HS6ST3: variants seen among roughly 807,000 people sequenced by gnomAD.
HS6ST3 encodes the protein heparan-sulfate 6-O-sulfotransferase 3.
HS6ST3 carries 12 observed loss-of-function variants against 36.7 expected under a neutral mutation model. The observed-to-expected ratio is 0.33, with a 90% CI of 0.21 to 0.53. HS6ST3 has a LOEUF of 0.53. Ranked by LOEUF, HS6ST3 falls within the 20% of genes least tolerant of loss-of-function variation. The pLI is 0.95. For synonymous variants in HS6ST3, 240 were observed against 257.5 expected, an observed-to-expected ratio of 0.93 and a Z score of 0.65; for missense variants, 584 against 640.9, an observed-to-expected ratio of 0.91 and a Z score of 0.96.
chr13:96,175,724 C>T lies in HS6ST3; in HGVS notation c.707+84155C>T, dbSNP rs557664447. 1.8e-3 allele frequency among the ~76,000 whole-genome samples: 270 copies of T among 151,016 alleles called. 1 individual carries two copies. The highest frequency in any genetic ancestry group is 6.3e-3 in the African/African-American group (262 of 41,270). On this transcript the variant is annotated intron_variant, in intron 1 of 1. Transcript: ENST00000376705. ...AAAAAAAAAAAAAATCTAATTTCCC[C>T]TCTTGTTCTCTTACTTCTCACATCT... is the stretch of plus-strand genomic sequence containing the variant.
chr13:96,441,448 C>A (rs1159031303), intron 1 of HS6ST3, among the ~76,000 whole-genome samples: 1 of 152,022 alleles, frequency 6.6e-6, no homozygotes, highest in African/African-American at 2.4e-5. Context: ...GGCCTTTTGA[C>A]AAGCCTCACC....
In HS6ST3 at chr13:96,090,113, G is replaced by A. The variant is rs1218071450; in HGVS notation, c.-750G>A. ...GGGTAGCAGGGCTCCTGTCACACCG[G>A]CTGGCGGGTTGTGGCGGTGCCAGCC... On this transcript the variant is annotated 5_prime_UTR_variant, in exon 1 of 2. Transcript: ENST00000376705. Among the ~76,000 whole-genome samples the A allele has an allele frequency of 6.6e-6, 1 of 152,106 alleles. No individual in the cohort carries two copies. Among genetic ancestry groups the A allele is most frequent in the Non-Finnish European group, 1.5e-5 (1 of 67,996 alleles).
intron 1 of HS6ST3, among the ~76,000 whole-genome samples, chr13:96,245,892 T>A (rs988335795): frequency 7.9e-5 from 12 of 152,224 alleles, no homozygotes; most frequent in African/African-American, 2.9e-4. Context: ...AATGTGGGAA[T>A]AGGGGAACAT....
intron 1 of HS6ST3, among the ~76,000 whole-genome samples, chr13:96,398,878 C>T (rs918033106): frequency 1.3e-5 from 2 of 152,176 alleles, no homozygotes; most frequent in Non-Finnish European, 2.9e-5. Flanking sequence ...TGAGGGTGGC[C>T]CCTACATGAC....
chr13:96,604,839 T>C (rs1247655098), intron 1 of HS6ST3, among the ~76,000 whole-genome samples: 2 of 152,194 alleles, frequency 1.3e-5, no homozygotes, highest in Non-Finnish European at 2.9e-5. Flanking sequence ...GCACATTATA[T>C]GATTTTGGAC....
intron 1 of HS6ST3, among the ~76,000 whole-genome samples, chr13:96,707,240 A>G (rs147580583): frequency 6.0e-4 from 92 of 152,294 alleles, no homozygotes; most frequent in African/African-American, 1.7e-3. Flanking sequence ...AAGAAACAAG[A>G]GAGAGATGAT....
At chr13:96,224,103 A>G (rs906983020) in intron 1 of HS6ST3, among the ~76,000 whole-genome samples, 10 of 152,110 alleles carry the variant, frequency 6.6e-5, no homozygotes, top group Non-Finnish European at 2.9e-5. Flanking sequence ...CTAGAGGCAC[A>G]CATAGCTCCT....
At chr13:96,182,254 G>C (rs1454372110) in intron 1 of HS6ST3, among the ~76,000 whole-genome samples, 11 of 152,176 alleles carry the variant, frequency 7.2e-5, no homozygotes, top group Admixed American at 7.2e-4. Context: ...CTTGACTTTT[G>C]CTAAAATAAT....
chr13:96,455,815 A>G (rs1367118925), intron 1 of HS6ST3, among the ~76,000 whole-genome samples: 3 of 152,192 alleles, frequency 2.0e-5, no homozygotes, highest in African/African-American at 7.2e-5. Flanking sequence ...AGACTTTACA[A>G]CAGTTTCAAA....
intron 1 of HS6ST3, among the ~76,000 whole-genome samples, chr13:96,612,047 G>A (rs2056458784): frequency 6.6e-6 from 1 of 152,166 alleles, no homozygotes; most frequent in Non-Finnish European, 1.5e-5. Context: ...ATTTAGAGTA[G>A]TCTCATATGG....
chr13:96,155,210 T>C (rs959319961), intron 1 of HS6ST3, among the ~76,000 whole-genome samples: 7 of 152,182 alleles, frequency 4.6e-5, no homozygotes, highest in Admixed American at 3.3e-4. Flanking sequence ...AAAATATGTA[T>C]GGAAAAAACC....
intron 1 of HS6ST3, among the ~76,000 whole-genome samples, chr13:96,463,699 T>C (rs1231667877): frequency 4.0e-5 from 6 of 151,846 alleles, no homozygotes; most frequent in Non-Finnish European, 7.4e-5. Flanking sequence ...AGCTGGGAAA[T>C]AACTAGTAGG....
intron 1 of HS6ST3, among the ~76,000 whole-genome samples, chr13:96,273,581 G>T (rs1471667390): frequency 1.3e-5 from 2 of 151,704 alleles, no homozygotes; most frequent in Non-Finnish European, 2.9e-5. Flanking sequence ...AGCTACTGAG[G>T]CTTGGAGTTG....
At chr13:96,655,197 C>T (rs1379277707) in intron 1 of HS6ST3, among the ~76,000 whole-genome samples, 2 of 152,084 alleles carry the variant, frequency 1.3e-5, no homozygotes, top group African/African-American at 4.8e-5. Flanking sequence ...CTTTTCAGCT[C>T]AACCGAACTT....
chr13:96,397,117 T>C (rs1309984710), intron 1 of HS6ST3, among the ~76,000 whole-genome samples: 1 of 152,116 alleles, frequency 6.6e-6, no homozygotes, highest in African/African-American at 2.4e-5. Context: ...GGCAGGAGAA[T>C]CGCTTGAACC....
chr13:96,765,861 T>G lies in HS6ST3; in HGVS notation c.708-66629T>G, dbSNP rs561037223. 2.0e-5 allele frequency among the ~76,000 whole-genome samples: 3 copies of G among 152,268 alleles called. No homozygotes were observed. In the East Asian group the frequency reaches 5.8e-4, roughly 29 times the overall value. On this transcript the variant is annotated intron_variant, in intron 1 of 1. Coordinates refer to ENST00000376705, the MANE Select transcript of HS6ST3 (RefSeq NM_153456.4). ...GATGAGGACATGTTCTATTTTGAGA[T>G]AAAAGCTTTACCTGAGATGTAGAAA...
rs550265182 is a variant in HS6ST3, at chr13:96,750,422, A to G, written c.708-82068A>G. On this transcript the variant is annotated intron_variant, in intron 1 of 1. Coordinates refer to ENST00000376705, the MANE Select transcript of HS6ST3 (RefSeq NM_153456.4). ...TCACTGGGTGAAGGAGACAGGCCACATCCTTTCTTCAGCATGCCTCTGTAT... is the reference window on the plus strand; with the variant it reads ...TCACTGGGTGAAGGAGACAGGCCACGTCCTTTCTTCAGCATGCCTCTGTAT... Among the ~76,000 whole-genome samples, 201 of 152,344 alleles carry G rather than the reference A, an allele frequency of 1.3e-3. 2 individuals carry two copies. The highest frequency in any genetic ancestry group is 4.7e-3 in the African/African-American group (195 of 41,586).
At chr13:96,669,378 G>C (rs1191550370) in intron 1 of HS6ST3, among the ~76,000 whole-genome samples, 1 of 152,120 alleles carries the variant, frequency 6.6e-6, no homozygotes, top group East Asian at 1.9e-4. Context: ...CTCCAGGAAA[G>C]ACATGTCTTG....
intron 1 of HS6ST3, among the ~76,000 whole-genome samples, chr13:96,377,047 A>T (rs972875372): frequency 1.4e-5 from 2 of 147,846 alleles, no homozygotes; most frequent in African/African-American, 2.5e-5. Flanking sequence ...ATTTATCAAT[A>T]TATTATAATA....
Sources: gnomAD v4.1 joint callset for allele counts (sites outside exome capture counted in the v4.1 genomes callset) on GRCh38, gnomAD v4.1.1 for gene constraint, MANE v1.5 for transcripts, NCBI Gene and HGNC (gene_info 2026-07-23, HGNC 2026-07-21) for gene names.